OTOG: variants seen among roughly 807,000 people sequenced by gnomAD.
OTOG encodes otogelin.
A neutral mutation model predicts 313.8 loss-of-function variants in OTOG; 296 were observed. The observed-to-expected ratio is 0.94, with a 90% CI of 0.86 to 1.04. OTOG has a LOEUF of 1.04. Among genes scored for constraint, OTOG ranks in the 50% least tolerant of loss-of-function variants. The probability of loss-of-function intolerance (pLI) is 0.00; values close to 1 mark genes in which losing one functional copy is unlikely to be tolerated. For synonymous variants in OTOG, 1,533 were observed against 1,554.9 expected, an observed-to-expected ratio of 0.99 and a Z score of 0.33; for missense variants, 3,948 against 3,840.1, an observed-to-expected ratio of 1.03 and a Z score of -0.74.
chr11:17,601,202 G>A (rs1221146665), intron 31 of OTOG, among the ~76,000 whole-genome samples: 1 of 152,160 alleles, frequency 6.6e-6, no homozygotes, highest in South Asian at 2.1e-4. Context: ...ATCCTCATCC[G>A]AAGAGCTGTA....
intron 23 of OTOG, among the ~76,000 whole-genome samples, chr11:17,581,421 C>T (rs926573119): frequency 6.6e-6 from 1 of 152,122 alleles, no homozygotes; most frequent in African/African-American, 2.4e-5. Flanking sequence ...AGTGGAATCC[C>T]AGCAAATGGA....
At chr11:17,614,228 C>A (rs1853669294) in intron 39 of OTOG, among the ~76,000 whole-genome samples, 1 of 152,094 alleles carries the variant, frequency 6.6e-6, no homozygotes, top group Non-Finnish European at 1.5e-5. Flanking sequence ...TGATCTGTCT[C>A]CTCCTCAGGT....
At position 17,631,854 on chromosome 11, in the gene OTOG, G is replaced by A. The variant is rs1417295425; in HGVS notation, c.6865G>A (p.Ala2289Thr). The A allele has an allele frequency of 5.2e-6, 8 of 1,550,448 alleles. No homozygotes were observed. Among genetic ancestry groups the A allele is most frequent in the East Asian group, 4.9e-5 (2 of 40,938 alleles). ...GQTRFRPDSC[A>T]TTDCSPCLRM... ...GACCCGCTTCCGCCCAGACAGCTGC[G>A]CCACAACTGACTGCTCGCCCTGCCT... Residue 2289 changes from alanine to threonine, a missense_variant, in exon 41 of 56, where the codon GCC becomes ACC. Ala to Thr is a moderately conservative substitution (Grantham distance 58). Transcript: ENST00000399397.
At chr11:17,570,155 G>A in intron 16 of OTOG, 58 bp from the exon 17 acceptor site, 1 of 1,456,502 alleles carries the variant, frequency 6.9e-7, no homozygotes, top group African/African-American at 1.4e-5. Flanking sequence ...GGTGGTGGTG[G>A]TGGGCGGGGT....
intron 15 of OTOG, among the ~76,000 whole-genome samples, chr11:17,565,142 T>C (rs1852271326): frequency 6.6e-6 from 1 of 152,208 alleles, no homozygotes; most frequent in East Asian, 1.9e-4. Flanking sequence ...CCTAATGTCA[T>C]TTTCTGATCC....
intron 40 of OTOG, among the ~76,000 whole-genome samples, chr11:17,631,035 C>T (rs927892034): frequency 1.3e-5 from 2 of 152,182 alleles, no homozygotes; most frequent in African/African-American, 4.8e-5. Context: ...TCCAAATTCA[C>T]AGGAGAGGAG....
At chr11:17,557,376 G>T in intron 8 of OTOG, 53 bp downstream of exon 8, 1 of 1,512,438 alleles carries the variant, frequency 6.6e-7, no homozygotes, top group Non-Finnish European at 9.0e-7. Context: ...TGGGGGACAG[G>T]TCAGGCTGGG....
intron 8 of OTOG, among the ~76,000 whole-genome samples, chr11:17,557,799 A>G (rs1852087394): frequency 6.6e-6 from 1 of 152,154 alleles, no homozygotes; most frequent in African/African-American, 2.4e-5. Flanking sequence ...CTTTACATGC[A>G]TCATCTCAAG....
Position 17,641,840 on chromosome 11 carries a change from C to G in OTOG, c.8191-7C>G. On this transcript the variant is annotated splice_polypyrimidine_tract_variant and splice_region_variant and intron_variant, in intron 51 of 55. Transcript: ENST00000399397. ...CTGGCTGAGGCCCACCCCGCCCTGG[C>G]CTGTAGAACCAGGAGTACGAGCACC... The G allele has an allele frequency of 6.5e-7, 1 of 1,546,920 alleles. No homozygotes were observed. Among genetic ancestry groups the G allele is most frequent in the Non-Finnish European group, 8.7e-7 (1 of 1,144,684 alleles).
intron 27 of OTOG, 84 bp from the exon 28 acceptor site, chr11:17,593,963 A>T: frequency 6.6e-7 from 1 of 1,516,046 alleles, no homozygotes; most frequent in South Asian, 1.2e-5. Context: ...TCTATGATAG[A>T]CTCCTGGGCT....
intron 54 of OTOG, among the ~76,000 whole-genome samples, chr11:17,644,430 G>A (rs1848033085): frequency 6.6e-6 from 1 of 152,258 alleles, no homozygotes; most frequent in Non-Finnish European, 1.5e-5. Context: ...CATTTCTAAA[G>A]GGATTCCTGG....
At chr11:17,607,287 C>T (rs1403756104) in intron 33 of OTOG, among the ~76,000 whole-genome samples, 1 of 152,214 alleles carries the variant, frequency 6.6e-6, no homozygotes, top group Admixed American at 6.5e-5. Context: ...GGGATGCTCC[C>T]TGGAGCCTGC....
At chr11:17,634,335 T>C (rs1463987661) in intron 44 of OTOG, 54 bp downstream of exon 44, 1 of 1,514,626 alleles carries the variant, frequency 6.6e-7, no homozygotes, top group African/African-American at 1.4e-5. Context: ...GTTAAAAGGT[T>C]CCAGCCCTGC....
rs577896082 is a variant in OTOG at position 17,547,321 on chromosome 11, C to A, written c.-52C>A. On this transcript the variant is annotated 5_prime_UTR_variant, in exon 1 of 56. Coordinates refer to ENST00000399397, the MANE Select transcript of OTOG (RefSeq NM_001292063.2). ...GTGACCCTGCCTTAGCCCGGGGAGG[C>A]ACCTCGGGAGGCTGGCCCTGCGCTC... 2.8e-5 allele frequency: 36 copies of A among 1,292,324 alleles called. No homozygotes were observed. The African/African-American group carries it at 5.1e-4, about 18-fold the overall frequency. 80.1% of individuals were successfully genotyped at this position (1,292,324 alleles called of 1,614,324 possible). A position where few individuals can be genotyped will look rare whatever the true frequency, so the allele number is the denominator to read the frequency against.
rs1190311506 is a variant in OTOG, at chr11:17,596,721, C to T, written c.3526-130C>T. ...GCTTCCTTGTCCTTCTCCCTTCACA[C>T]CTCATGAGACAGGATAGCTCACCCT... On this transcript the variant is annotated intron_variant, in intron 29 of 55. Transcript: ENST00000399397. The T allele has an allele frequency of 5.2e-6, 4 of 773,566 alleles. No individual in the cohort carries two copies. The South Asian group carries it at 7.1e-5, about 14-fold the overall frequency. 47.9% of individuals were successfully genotyped at this position (773,566 alleles called of 1,614,324 possible). A position where few individuals can be genotyped will look rare whatever the true frequency, so the allele number is the denominator to read the frequency against.
rs1403286044 is a variant in OTOG, at chr11:17,612,176, G to A, written c.6138G>A (p.Gln2046=). 1.3e-6 allele frequency: 2 copies of A among 1,549,590 alleles called. No homozygotes were observed. Among genetic ancestry groups the A allele is most frequent in the East Asian group, 2.4e-5 (1 of 40,908 alleles). The change falls in exon 37 of 56, where the codon CAG becomes CAA. Residue 2046 remains glutamine, a synonymous_variant. Transcript: ENST00000399397. ...TCTGTACCCAGCCAATCGCCGAGCA[G>A]GACTGCGTCCGCCACATCTGCCTGG... ...TSTTCVPIAE[Q]DCVRHICLEG... is the part of the protein sequence containing the mutation.
At chr11:17,560,070 C>T (rs761247254) in intron 12 of OTOG, among the ~76,000 whole-genome samples, 6 of 152,178 alleles carry the variant, frequency 3.9e-5, no homozygotes, top group African/African-American at 7.2e-5. Context: ...ATCAGGACTG[C>T]GCTTCTTAAG....
At position 17,640,786 on chromosome 11, in the gene OTOG, G is replaced by A. The variant is rs1413492666; in HGVS notation, c.7977G>A (p.Val2659=). The A allele has an allele frequency of 1.3e-6, 2 of 1,550,312 alleles. No individual in the cohort carries two copies. The highest frequency in any genetic ancestry group is 2.7e-5 in the African/African-American group (2 of 73,196). Residue 2659 remains valine, a synonymous_variant, in exon 50 of 56, where the codon GTG becomes GTA. Coordinates refer to ENST00000399397, the MANE Select transcript of OTOG (RefSeq NM_001292063.2). The part of the protein sequence containing the change: ...SQLDEEFMHS[V]ENVCGCAKYE... ...TGGATGAGGAGTTCATGCACAGCGT[G>A]GAGAATGTGTGTGGCTGCGCCAAGT...
chr11:17,547,558 G>A, intron 1 of OTOG, 92 bp downstream of exon 1: 1 of 1,273,068 alleles, frequency 7.9e-7, no homozygotes, highest in Non-Finnish European at 9.9e-7. Flanking sequence ...TTGGAGAGAG[G>A]GAGGAAAGAG....
Sources: gnomAD v4.1 joint callset for allele counts (sites outside exome capture counted in the v4.1 genomes callset) on GRCh38, gnomAD v4.1.1 for gene constraint, MANE v1.5 for transcripts, NCBI Gene and HGNC (gene_info 2026-07-23, HGNC 2026-07-21) for gene names.